AP3B1: variants seen among roughly 807,000 people sequenced by gnomAD.
AP3B1 encodes the protein adaptor related protein complex 3 subunit beta 1.
Under a neutral mutation model 132.5 loss-of-function variants are expected in AP3B1, and 61 were observed. The observed-to-expected ratio is 0.46, with a 90% CI of 0.37 to 0.57. The LOEUF (loss-of-function observed/expected upper bound fraction) is 0.57, where lower values mean the gene tolerates loss of function less well. Ranked by LOEUF, AP3B1 falls within the 20% of genes least tolerant of loss-of-function variation. The probability of loss-of-function intolerance (pLI) is 0.00; values close to 1 mark genes in which losing one functional copy is unlikely to be tolerated. For synonymous variants in AP3B1, 388 were observed against 438.3 expected, an observed-to-expected ratio of 0.89 and a Z score of 1.43; for missense variants, 1,120 against 1,289.4, an observed-to-expected ratio of 0.87 and a Z score of 2.01.
intron 24 of AP3B1, among the ~76,000 whole-genome samples, chr5:78,023,383 A>G (rs997980782): frequency 5.3e-5 from 8 of 152,150 alleles, no homozygotes; most frequent in African/African-American, 1.9e-4. Flanking sequence ...TTGAGACTAT[A>G]GTGAACTATG....
At chr5:78,163,506 T>A (rs1743473652) in intron 12 of AP3B1, among the ~76,000 whole-genome samples, 1 of 151,678 alleles carries the variant, frequency 6.6e-6, no homozygotes, top group Admixed American at 6.6e-5. Flanking sequence ...CAGTTTATAA[T>A]AAAATAAAAT....
chr5:78,159,197 T>A (rs554760283), intron 13 of AP3B1, among the ~76,000 whole-genome samples: 4 of 152,188 alleles, frequency 2.6e-5, no homozygotes, highest in Non-Finnish European at 5.9e-5. Context: ...TTAAAATACA[T>A]TATTGCAAAA....
intron 6 of AP3B1, among the ~76,000 whole-genome samples, chr5:78,219,232 C>T (rs72776486): frequency 6.6e-6 from 1 of 151,524 alleles, no homozygotes; most frequent in East Asian, 1.9e-4. Context: ...TCAGAAAGTT[C>T]GATGTTATCA....
intron 1 of AP3B1, among the ~76,000 whole-genome samples, chr5:78,275,086 G>C (rs758848992): frequency 4.6e-5 from 7 of 152,112 alleles, no homozygotes; most frequent in Admixed American, 2.0e-4. Context: ...AAAACAAATG[G>C]GCATGGTTGT....
At chr5:78,241,155 T>C (rs1333698001) in intron 2 of AP3B1, among the ~76,000 whole-genome samples, 1 of 151,876 alleles carries the variant, frequency 6.6e-6, no homozygotes, top group Non-Finnish European at 1.5e-5. Context: ...ACTTAAGATA[T>C]ATATTTAAAT....
intron 14 of AP3B1, among the ~76,000 whole-genome samples, chr5:78,152,286 C>T (rs1753705940): frequency 1.3e-5 from 2 of 151,596 alleles, no homozygotes; most frequent in African/African-American, 2.4e-5. Flanking sequence ...TGGTAGAATT[C>T]AGCAGTGAAG....
At chr5:78,210,136 G>A (rs1177147770) in intron 7 of AP3B1, among the ~76,000 whole-genome samples, 1 of 152,078 alleles carries the variant, frequency 6.6e-6, no homozygotes, top group Non-Finnish European at 1.5e-5. Flanking sequence ...CAACTTCTCA[G>A]TATTTTGTTT....
chr5:78,055,234 G>A (rs956820250), intron 22 of AP3B1, among the ~76,000 whole-genome samples: 11 of 152,172 alleles, frequency 7.2e-5, no homozygotes, highest in Admixed American at 6.5e-4. Flanking sequence ...CCTCACTCCT[G>A]CACTGTGGCA....
At chr5:78,036,340 T>A (rs1426952780) in intron 23 of AP3B1, among the ~76,000 whole-genome samples, 3 of 152,148 alleles carry the variant, frequency 2.0e-5, no homozygotes, top group Non-Finnish European at 4.4e-5. Flanking sequence ...ATTAGGTGTC[T>A]CTGTTTGGAC....
intron 2 of AP3B1, among the ~76,000 whole-genome samples, chr5:78,249,569 TTTTC>T (rs982422364): frequency 1.3e-5 from 2 of 149,816 alleles, no homozygotes; most frequent in Admixed American, 6.8e-5. Flanking sequence ...AGAATGATTT[TTTTC>T]TTTTTCTTTT....
chr5:78,189,634 C>T (rs112182113), intron 7 of AP3B1, among the ~76,000 whole-genome samples: 6,199 of 152,090 alleles, frequency 0.041, 193 homozygotes, highest in East Asian at 0.13. Context: ...CTCTGGGAGG[C>T]CAAGGCAGGC....
At chr5:78,282,392 T>C (rs902033926) in intron 1 of AP3B1, among the ~76,000 whole-genome samples, 1 of 151,092 alleles carries the variant, frequency 6.6e-6, no homozygotes, top group Non-Finnish European at 1.5e-5. Flanking sequence ...AAAAAAAAAG[T>C]TTAAAACAAA....
At chr5:78,113,716 A>G (rs1173804509) in intron 19 of AP3B1, 36 bp downstream of exon 19, 1 of 1,610,134 alleles carries the variant, frequency 6.2e-7, no homozygotes, top group Non-Finnish European at 8.5e-7. Flanking sequence ...CTTTCACAGA[A>G]TATTTTTTGA....
intron 3 of AP3B1, among the ~76,000 whole-genome samples, chr5:78,229,996 A>G (rs1340064614): frequency 2.0e-5 from 3 of 151,920 alleles, no homozygotes; most frequent in African/African-American, 7.3e-5. Context: ...TCCTTCCTAA[A>G]CTCACTCCAA....
intron 11 of AP3B1, among the ~76,000 whole-genome samples, chr5:78,169,922 A>G (rs1743837652): frequency 6.6e-6 from 1 of 152,036 alleles, no homozygotes; most frequent in African/African-American, 2.4e-5. Context: ...CAAACCCCTG[A>G]CAGGCCCCGG....
intron 12 of AP3B1, 66 bp from the exon 13 acceptor site, chr5:78,163,017 A>G (rs1302818134): frequency 1.3e-6 from 2 of 1,488,276 alleles, no homozygotes; most frequent in Non-Finnish European, 1.9e-6. Context: ...CTCCGATTAT[A>G]TTAAACTTTG....
At chr5:78,065,274 C>G (rs774558881) in intron 22 of AP3B1, among the ~76,000 whole-genome samples, 1 of 152,170 alleles carries the variant, frequency 6.6e-6, no homozygotes, top group East Asian at 1.9e-4. Context: ...AGTGGCCCCT[C>G]GGCTGGAGAC....
intron 7 of AP3B1, among the ~76,000 whole-genome samples, chr5:78,204,659 G>C (rs936772186): frequency 1.3e-5 from 2 of 152,186 alleles, no homozygotes; most frequent in Non-Finnish European, 2.9e-5. Context: ...TTCTGAGGGA[G>C]TTATGATTTC....
intron 1 of AP3B1, among the ~76,000 whole-genome samples, chr5:78,290,453 A>G (rs1159476807): frequency 6.6e-6 from 1 of 152,122 alleles, no homozygotes; most frequent in Non-Finnish European, 1.5e-5. Flanking sequence ...TAGTAGCTTT[A>G]CTATTGTAAT....
Sources: allele counts gnomAD v4.1 joint callset (sites outside exome capture counted in the v4.1 genomes callset), GRCh38; gene constraint gnomAD v4.1.1; transcripts MANE v1.5; gene names NCBI Gene and HGNC (gene_info 2026-07-23, HGNC 2026-07-21).